Variants in LRRC8B observed in about 807,000 individuals in gnomAD.
LRRC8B encodes the protein volume-regulated anion channel subunit LRRC8B.
In LRRC8B, 23 loss-of-function variants were observed where a neutral mutation model predicts 58.8. The observed-to-expected ratio is 0.39, with a 90% CI of 0.28 to 0.55. The LOEUF (loss-of-function observed/expected upper bound fraction) is 0.55. Among genes scored for constraint, LRRC8B ranks in the 20% least tolerant of loss-of-function variants. LRRC8B has a pLI of 0.62. For missense variants in LRRC8B, 694 were observed against 936.0 expected (o/e 0.74, Z 3.37); for synonymous variants, 359 against 374.1 (o/e 0.96, Z 0.47).
chr1:89,551,233 C>T (rs1401855574), intron 1 of LRRC8B, among the ~76,000 whole-genome samples: 8 of 152,090 alleles, frequency 5.3e-5, no homozygotes, highest in Non-Finnish European at 1.5e-5. Context: ...CTGAGCTATA[C>T]CTGTTCATCT....
intron 3 of LRRC8B, among the ~76,000 whole-genome samples, chr1:89,578,094 A>T (rs1247782815): frequency 6.6e-6 from 1 of 152,246 alleles, no homozygotes; most frequent in Non-Finnish European, 1.5e-5. Flanking sequence ...ATAAACATAA[A>T]GAGTAATACT....
intron 1 of LRRC8B, among the ~76,000 whole-genome samples, chr1:89,543,661 A>G (rs1166186480): frequency 6.6e-6 from 1 of 151,264 alleles, no homozygotes. Context: ...AGCCCTGGCT[A>G]ATTTTTTTTT....
intron 1 of LRRC8B, among the ~76,000 whole-genome samples, chr1:89,567,228 A>G (rs1166092329): frequency 6.6e-6 from 1 of 152,204 alleles, no homozygotes; most frequent in Non-Finnish European, 1.5e-5. Context: ...CATTCTTCCA[A>G]CTTGGTACTT....
intron 1 of LRRC8B, among the ~76,000 whole-genome samples, chr1:89,559,230 C>T (rs1652423014): frequency 6.6e-6 from 1 of 151,978 alleles, no homozygotes; most frequent in Admixed American, 6.6e-5. Context: ...AGGATGTCAC[C>T]CGAGCATAGC....
intron 1 of LRRC8B, among the ~76,000 whole-genome samples, chr1:89,531,014 A>G (rs34417751): frequency 0.23 from 35,069 of 152,134 alleles, 4,526 homozygotes; most frequent in Admixed American, 0.34. Flanking sequence ...GTGGTATGGC[A>G]TGACTGAGCC....
intron 1 of LRRC8B, among the ~76,000 whole-genome samples, chr1:89,550,923 T>G (rs1185151778): frequency 6.6e-6 from 1 of 152,210 alleles, no homozygotes; most frequent in East Asian, 1.9e-4. Flanking sequence ...AGGTTAGTTT[T>G]CCTAAAATAT....
intron 1 of LRRC8B, among the ~76,000 whole-genome samples, chr1:89,530,337 C>A (rs565884453): frequency 6.6e-6 from 1 of 150,432 alleles, no homozygotes; most frequent in Admixed American, 6.6e-5. Context: ...CCAGCCTGGG[C>A]GACAGAGCAA....
At chr1:89,578,791 A>G (rs1057016713) in intron 3 of LRRC8B, among the ~76,000 whole-genome samples, 1 of 152,158 alleles carries the variant, frequency 6.6e-6, no homozygotes, top group African/African-American at 2.4e-5. Flanking sequence ...TTTACTTTCA[A>G]TTAAAAACAA....
At chr1:89,580,253 G>C (rs1654122893) in intron 4 of LRRC8B, among the ~76,000 whole-genome samples, 1 of 152,168 alleles carries the variant, frequency 6.6e-6, no homozygotes, top group South Asian at 2.1e-4. Context: ...AACAGCTCCT[G>C]GTTGGTTTTT....
At chr1:89,559,613 A>AT (rs527348361) in intron 1 of LRRC8B, among the ~76,000 whole-genome samples, 7,961 of 109,096 alleles carry the variant, frequency 0.073, 232 homozygotes, top group African/African-American at 0.1. Flanking sequence ...CAAAAAAAAA[A>AT]AAATATATAT....
intron 1 of LRRC8B, among the ~76,000 whole-genome samples, chr1:89,551,053 T>TCGTC (rs1651768469): frequency 6.6e-6 from 1 of 152,186 alleles, no homozygotes; most frequent in African/African-American, 2.4e-5. Flanking sequence ...ATTTGTGAAG[T>TCGTC]CGTCCCCCTC....
intron 1 of LRRC8B, among the ~76,000 whole-genome samples, chr1:89,533,288 C>T (rs1230737157): frequency 6.6e-6 from 1 of 152,194 alleles, no homozygotes; most frequent in African/African-American, 2.4e-5. Flanking sequence ...GTGAGAAAGT[C>T]TTCCTTTGTC....
In LRRC8B at chr1:89,593,068, C is replaced by A. The variant is rs770322343; in HGVS notation, c.*25C>A. 1.2e-6 allele frequency: 2 copies of A among 1,602,330 alleles called. No homozygotes were observed. The highest frequency in any genetic ancestry group is 3.4e-5 in the Admixed American group (2 of 58,894). ...ACTTAAAGAAAAGAGACCCGTGTTT[C>A]AAAATCATTTTTAAAAGTATGCTCG... On this transcript the variant is annotated 3_prime_UTR_variant, in exon 6 of 6. Coordinates refer to ENST00000330947, the MANE Select transcript of LRRC8B (RefSeq NM_001369817.2).
intron 1 of LRRC8B, among the ~76,000 whole-genome samples, chr1:89,551,477 A>G (rs1651809012): frequency 6.6e-6 from 1 of 151,832 alleles, no homozygotes; most frequent in South Asian, 2.1e-4. Flanking sequence ...TTAATCCTTC[A>G]TTTTTTTCCT....
At chr1:89,529,496 G>GT (rs944625170) in intron 1 of LRRC8B, among the ~76,000 whole-genome samples, 26 of 145,738 alleles carry the variant, frequency 1.8e-4, no homozygotes, top group Admixed American at 1.4e-3. Flanking sequence ...CTCTCTCTCT[G>GT]TTTTTTTACC....
At chr1:89,533,307 G>C (rs1449187162) in intron 1 of LRRC8B, among the ~76,000 whole-genome samples, 1 of 152,140 alleles carries the variant, frequency 6.6e-6, no homozygotes, top group Non-Finnish European at 1.5e-5. Flanking sequence ...TCTGGCTTCT[G>C]CAGCTCTTCA....
intron 1 of LRRC8B, among the ~76,000 whole-genome samples, chr1:89,525,783 T>G (rs1302900975): frequency 6.6e-6 from 1 of 151,830 alleles, no homozygotes. Context: ...TTCTTTGTGG[T>G]CAAAAAGACA....
At chr1:89,543,831 A>G (rs896450654) in intron 1 of LRRC8B, among the ~76,000 whole-genome samples, 1 of 150,574 alleles carries the variant, frequency 6.6e-6, no homozygotes, top group African/African-American at 2.5e-5. Flanking sequence ...TCTGTTGCCC[A>G]GGCTGGAGTC....
chr1:89,573,254 C>T (rs566455326), intron 3 of LRRC8B, among the ~76,000 whole-genome samples: 5 of 151,196 alleles, frequency 3.3e-5, no homozygotes, highest in African/African-American at 7.3e-5. Flanking sequence ...GAACCAAGAT[C>T]GCGCCACTGC....
Sources: gnomAD v4.1 joint callset for allele counts (sites outside exome capture counted in the v4.1 genomes callset) on GRCh38, gnomAD v4.1.1 for gene constraint, MANE v1.5 for transcripts, NCBI Gene and HGNC (gene_info 2026-07-23, HGNC 2026-07-21) for gene names.